Variants in CPVL observed in about 807,000 individuals in gnomAD.
The protein encoded by CPVL is carboxypeptidase vitellogenic like, also known as probable serine carboxypeptidase CPVL.
A neutral mutation model predicts 63.7 loss-of-function variants in CPVL; 51 were observed. The observed-to-expected ratio is 0.80, with a 90% CI of 0.64 to 1.01. CPVL has a LOEUF of 1.01. Ranked by LOEUF, CPVL falls within the 50% of genes least tolerant of loss-of-function variation. The pLI is 0.00. For missense variants in CPVL, 530 were observed against 573.1 expected (o/e 0.92, Z 0.77); for synonymous variants, 195 against 206.0 (o/e 0.95, Z 0.46).
intron 1 of CPVL, among the ~76,000 whole-genome samples, chr7:29,125,697 C>G (rs552630043): frequency 2.0e-4 from 30 of 152,188 alleles, no homozygotes; most frequent in Middle Eastern, 3.4e-3. Context: ...CCGGCCTACT[C>G]TCCCACCTTT....
chr7:29,073,492 T>C (rs1041292019), intron 7 of CPVL, among the ~76,000 whole-genome samples: 2 of 152,150 alleles, frequency 1.3e-5, no homozygotes, highest in Non-Finnish European at 2.9e-5. Flanking sequence ...CTCCCTTCTC[T>C]ACCCTCAACC....
chr7:29,058,318 CTTGT>C (rs1790944961), intron 11 of CPVL, among the ~76,000 whole-genome samples: 1 of 152,062 alleles, frequency 6.6e-6, no homozygotes, highest in Non-Finnish European at 1.5e-5. Flanking sequence ...TCAAATTTCA[CTTGT>C]TTATTGGGAG....
intron 1 of CPVL, among the ~76,000 whole-genome samples, chr7:29,133,885 G>GT (rs1790940127): frequency 2.0e-5 from 3 of 152,176 alleles, no homozygotes; most frequent in Non-Finnish European, 4.4e-5. Context: ...GTCAAAAATG[G>GT]TAAGTACTGG....
intron 1 of CPVL, among the ~76,000 whole-genome samples, chr7:29,133,206 AAC>A (rs1219948269): frequency 6.6e-6 from 1 of 152,040 alleles, no homozygotes; most frequent in African/African-American, 2.4e-5. Flanking sequence ...AAAAAAAAAA[AAC>A]AAAAAACGCT....
intron 9 of CPVL, among the ~76,000 whole-genome samples, chr7:29,068,688 T>C (rs1361374687): frequency 2.1e-4 from 32 of 151,526 alleles, no homozygotes; most frequent in African/African-American, 7.2e-4. Context: ...TTTTCTTTTT[T>C]TTTTTCTTTG....
rs1347499658 is a variant in CPVL at position 29,095,166 on chromosome 7, G to A, written c.404-24C>T. 4 of 1,606,014 alleles carry A rather than the reference G, an allele frequency of 2.5e-6. No individual in the cohort carries two copies. The Admixed American group carries it at 6.7e-5, about 27-fold the overall frequency. ...CACTGTGAAAACAAAGAAGAGGGGT[G>A]AGATAGAGTCGTGGACAAGCATTCC... On this transcript the variant is annotated intron_variant, in intron 4 of 12. Coordinates refer to ENST00000265394, the MANE Select transcript of CPVL (RefSeq NM_031311.5).
At chr7:29,154,368 G>A (rs1227279098) in intron 5 of CPVL, among the ~76,000 whole-genome samples, 1 of 152,178 alleles carries the variant, frequency 6.6e-6, no homozygotes, top group Non-Finnish European at 1.5e-5. Context: ...AATGGGTGGG[G>A]CTTCCCCATC....
chr7:29,136,385 T>C (rs574367001), intron 1 of CPVL, among the ~76,000 whole-genome samples: 69 of 152,160 alleles, frequency 4.5e-4, no homozygotes, highest in Non-Finnish European at 8.8e-4. Flanking sequence ...CATATTTACA[T>C]AATAAGGTAA....
chr7:29,096,361 T>G (rs1786400442), intron 3 of CPVL, 144 bp from the exon 4 acceptor site: 1 of 654,942 alleles, frequency 1.5e-6, no homozygotes, highest in Non-Finnish European at 2.8e-6. Flanking sequence ...CAGTAACCAC[T>G]CTCCACTATG....
rs933599443 is a variant in CPVL, at chr7:29,063,781, A to C, written c.1137+280T>G. On this transcript the variant is annotated intron_variant, in intron 11 of 12. Transcript: ENST00000265394. Reference sequence around the variant, plus strand: ...GAGAGAAGGTTTCACCATGTTGGCCAGGCTGGTCTCAAAATCTTGACCTCA... The same window carrying C: ...GAGAGAAGGTTTCACCATGTTGGCCCGGCTGGTCTCAAAATCTTGACCTCA... Among the ~76,000 whole-genome samples the C allele has an allele frequency of 2.6e-5, 4 of 152,126 alleles. No homozygotes were observed. In the East Asian group the frequency reaches 7.7e-4, roughly 29 times the overall value.
intron 5 of CPVL, among the ~76,000 whole-genome samples, chr7:29,178,257 T>C (rs546373963): frequency 2.5e-4 from 38 of 152,328 alleles, no homozygotes; most frequent in African/African-American, 8.9e-4. Flanking sequence ...AATCAGAACA[T>C]GTTATCCCCT....
intron 12 of CPVL, among the ~76,000 whole-genome samples, chr7:29,024,135 A>G (rs1490472111): frequency 6.6e-6 from 1 of 152,184 alleles, no homozygotes; most frequent in African/African-American, 2.4e-5. Flanking sequence ...TTCATCAAAG[A>G]GACTGATACA....
chr7:29,176,364 G>GA lies in CPVL; in HGVS notation c.-11+4925dup, dbSNP rs979527259. Reference sequence around the variant, plus strand: ...GATTCCCCCAAACAGAGAGGAAAAAGAAAAAAAAATGCCAAAAAGAAATAA... The same window carrying GA: ...GATTCCCCCAAACAGAGAGGAAAAAGAAAAAAAAAATGCCAAAAAGAAATAA... On this transcript the variant is annotated intron_variant, in intron 5 of 16. Transcript: ENST00000409850. 3.3e-4 allele frequency among the ~76,000 whole-genome samples: 49 copies of GA among 150,616 alleles called. 1 individual carries two copies. In the Middle Eastern group the frequency reaches 0.01, roughly 32 times the overall value.
intron 2 of CPVL, among the ~76,000 whole-genome samples, chr7:29,120,261 A>T (rs553636187): frequency 3.7e-4 from 56 of 152,126 alleles, no homozygotes; most frequent in African/African-American, 1.2e-3. Flanking sequence ...ATCTCTACTA[A>T]AAATACAAAA....
intron 11 of CPVL, among the ~76,000 whole-genome samples, chr7:29,060,985 C>T (rs920010818): frequency 6.6e-6 from 1 of 152,166 alleles, no homozygotes; most frequent in East Asian, 1.9e-4. Context: ...TTGCCAGCTG[C>T]GTGAGTGAAC....
chr7:29,000,385 C>A (rs970844747), intron 12 of CPVL, among the ~76,000 whole-genome samples: 3 of 150,054 alleles, frequency 2.0e-5, no homozygotes, highest in Non-Finnish European at 4.4e-5. Flanking sequence ...GTGGAGGGAT[C>A]ACCGCAGACA....
chr7:29,176,738 A>G (rs1206253302), intron 5 of CPVL, among the ~76,000 whole-genome samples: 1 of 152,226 alleles, frequency 6.6e-6, no homozygotes, highest in Non-Finnish European at 1.5e-5. Flanking sequence ...GTATAAAACA[A>G]CAAATAATGG....
At chr7:29,122,954 A>T (rs1789529220) in intron 1 of CPVL, among the ~76,000 whole-genome samples, 2 of 152,326 alleles carry the variant, frequency 1.3e-5, no homozygotes, top group South Asian at 4.1e-4. Flanking sequence ...CAGGGCCGTT[A>T]CATGACTCTG....
intron 5 of CPVL, among the ~76,000 whole-genome samples, chr7:29,163,377 C>A (rs1403191926): frequency 6.6e-6 from 1 of 151,890 alleles, no homozygotes; most frequent in Non-Finnish European, 1.5e-5. Context: ...TTATTTTCAA[C>A]CTTAAAAATG....
Sources: gnomAD v4.1 joint callset for allele counts (sites outside exome capture counted in the v4.1 genomes callset) on GRCh38, gnomAD v4.1.1 for gene constraint, MANE v1.5 for transcripts, NCBI Gene and HGNC (gene_info 2026-07-23, HGNC 2026-07-21) for gene names.